The following FAR1 variants were observed in gnomAD, a reference collection of about 807,000 sequenced individuals.
FAR1 encodes the protein fatty acyl-CoA reductase 1.
A neutral mutation model predicts 61.1 loss-of-function variants in FAR1; 22 were observed. That is an observed-to-expected ratio of 0.36 (90% CI 0.26 to 0.51). The LOEUF is 0.51. Among genes scored for constraint, FAR1 ranks in the 20% least tolerant of loss-of-function variants. The probability of loss-of-function intolerance (pLI) is 0.95; values close to 1 mark genes in which losing one functional copy is unlikely to be tolerated. For missense variants in FAR1, 359 were observed against 626.9 expected (o/e 0.57, Z 4.56); for synonymous variants, 206 against 209.7 (o/e 0.98, Z 0.15).
chr11:13,676,735 G>A (rs1848072998), intron 1 of FAR1, among the ~76,000 whole-genome samples: 1 of 152,118 alleles, frequency 6.6e-6, no homozygotes, highest in Admixed American at 6.5e-5. Context: ...GCTGGTAATG[G>A]GACATTTGAC....
intron 9 of FAR1, chr11:13,715,768 A>C (rs1237314237): frequency 3.9e-5 from 6 of 152,184 alleles, no homozygotes; most frequent in Admixed American, 3.9e-4. Context: ...CTATTAAAAT[A>C]CTTAATTTTT....
intron 3 of FAR1, among the ~76,000 whole-genome samples, chr11:13,702,877 C>T (rs1462765770): frequency 6.6e-6 from 1 of 152,156 alleles, no homozygotes; most frequent in Non-Finnish European, 1.5e-5. Flanking sequence ...TTTCTGTCCC[C>T]CTAGGGTAAG....
intron 1 of FAR1, among the ~76,000 whole-genome samples, chr11:13,673,864 G>C (rs1848036628): frequency 6.6e-6 from 1 of 152,176 alleles, no homozygotes; most frequent in South Asian, 2.1e-4. Context: ...TTACCAATTT[G>C]TTGTGCACTT....
chr11:13,728,495 G>A (rs1848688911), intron 11 of FAR1, 117 bp from the exon 12 acceptor site: 7 of 936,578 alleles, frequency 7.5e-6, no homozygotes, highest in Non-Finnish European at 1.1e-5. Flanking sequence ...CCTATCATAA[G>A]TTTCAAATTA....
At chr11:13,680,730 T>C (rs887366907) in intron 1 of FAR1, among the ~76,000 whole-genome samples, 2 of 152,106 alleles carry the variant, frequency 1.3e-5, no homozygotes, top group African/African-American at 4.8e-5. Flanking sequence ...ACCAAGCCAT[T>C]AATGAGGAAT....
intron 10 of FAR1, chr11:13,723,502 TTA>T (rs1848636865): frequency 3.0e-6 from 1 of 335,026 alleles, no homozygotes; most frequent in Non-Finnish European, 5.8e-6. Context: ...CATTTTCTCT[TTA>T]TGTTTGCCGC....
chr11:13,708,431 A>ATG lies in FAR1; in HGVS notation c.545+355_545+356dup, dbSNP rs1555063836. 5.2e-4 allele frequency among the ~76,000 whole-genome samples: 64 copies of ATG among 123,582 alleles called. No homozygotes were observed. In the East Asian group the frequency reaches 0.013, roughly 25 times the overall value. 81.1% of individuals were successfully genotyped at this position (123,582 alleles called of 152,430 possible). A position where few individuals can be genotyped will look rare whatever the true frequency, so the allele number is the denominator to read the frequency against. On this transcript the variant is annotated intron_variant, in intron 4 of 11. Coordinates refer to ENST00000354817, the MANE Select transcript of FAR1 (RefSeq NM_032228.6). Reference sequence around the variant, plus strand: ...CTTCTCCTCACCCCACCCCATATACATGTGCGCGCGCGCGCGCACACACAC... The same window carrying ATG: ...CTTCTCCTCACCCCACCCCATATACATGTGTGCGCGCGCGCGCGCACACACAC...
chr11:13,700,167 A>G (rs1591263388), intron 2 of FAR1, 150 bp from the exon 3 acceptor site: 3 of 592,500 alleles, frequency 5.1e-6, no homozygotes. Flanking sequence ...TTCTATACAG[A>G]ATAATGGCAA....
intron 10 of FAR1, among the ~76,000 whole-genome samples, chr11:13,727,098 T>G (rs1413490394): frequency 1.3e-5 from 2 of 152,018 alleles, no homozygotes; most frequent in East Asian, 3.8e-4. Context: ...TAACATATCT[T>G]GATGTCAGAG....
intron 1 of FAR1, among the ~76,000 whole-genome samples, chr11:13,692,949 G>T (rs1478192570): frequency 6.6e-6 from 1 of 152,060 alleles, no homozygotes; most frequent in African/African-American, 2.4e-5. Flanking sequence ...GTGATCCGTG[G>T]TTATCTGTTT....
intron 1 of FAR1, among the ~76,000 whole-genome samples, chr11:13,673,092 A>G (rs892983861): frequency 6.6e-5 from 10 of 152,308 alleles, no homozygotes; most frequent in African/African-American, 2.2e-4. Context: ...TAAATTCACC[A>G]TTGTTTTCGG....
At chr11:13,714,135 CTTTT>C (rs1225460035) in intron 8 of FAR1, among the ~76,000 whole-genome samples, 1 of 151,630 alleles carries the variant, frequency 6.6e-6, no homozygotes, top group Admixed American at 6.6e-5. Flanking sequence ...TTTTCCTTTT[CTTTT>C]TTAAGTAAGT....
At chr11:13,675,762 AT>A (rs2134166769) in intron 1 of FAR1, among the ~76,000 whole-genome samples, 1 of 152,240 alleles carries the variant, frequency 6.6e-6, no homozygotes, top group South Asian at 2.1e-4. Context: ...CTATTTGACA[AT>A]TTTAAGATTA....
intron 3 of FAR1, among the ~76,000 whole-genome samples, chr11:13,702,321 T>G (rs1350647268): frequency 6.6e-6 from 1 of 152,178 alleles, no homozygotes; most frequent in African/African-American, 2.4e-5. Context: ...TGTATATTAT[T>G]TTTTCTACTA....
rs114050941 is a variant in FAR1 at position 13,684,166 on chromosome 11, C to A, written c.-7-10593C>A. Among the ~76,000 whole-genome samples the A allele has an allele frequency of 1.3e-3, 205 of 152,228 alleles. 1 individual carries two copies. Among genetic ancestry groups the A allele is most frequent in the African/African-American group, 4.6e-3 (193 of 41,550 alleles). The stretch of plus-strand genomic sequence containing the variant: ...AGAGGGAAAGTAATTTTTCACATTC[C>A]ATTCAGGAAATCCATCCTGTTAGAG... On this transcript the variant is annotated intron_variant, in intron 1 of 11. Coordinates refer to ENST00000354817, the MANE Select transcript of FAR1 (RefSeq NM_032228.6).
At position 13,710,840 on chromosome 11, in the gene FAR1, T is replaced by A; in HGVS notation, c.693T>A (p.Ile231=). The A allele has an allele frequency of 6.2e-7, 1 of 1,611,024 alleles. No homozygotes were observed. Among genetic ancestry groups the A allele is most frequent in the African/African-American group, 1.3e-5 (1 of 74,912 alleles). ...KLNVAIVRPS[I]VGASWKEPFP... ...ATGTGGCAATTGTAAGGCCATCGATTGTTGGTGCCAGTTGGAAAGAACCTT... is the reference window on the plus strand; with the variant it reads ...ATGTGGCAATTGTAAGGCCATCGATAGTTGGTGCCAGTTGGAAAGAACCTT... The change falls in exon 5 of 12, where the codon ATT becomes ATA. Residue 231 remains isoleucine (I), a synonymous_variant. Coordinates refer to ENST00000354817, the MANE Select transcript of FAR1 (RefSeq NM_032228.6).
Position 13,692,902 on chromosome 11 carries a change from G to C in FAR1, c.-7-1857G>C, listed in dbSNP as rs115035310. Among the ~76,000 whole-genome samples, 1,399 of 152,018 alleles carry C rather than the reference G, an allele frequency of 9.2e-3. 23 individuals are homozygous for C. The highest frequency in any genetic ancestry group is 0.031 in the African/African-American group (1,302 of 41,452). ...TGTAGTTCTATTGCTTTTCATTTTG[G>C]TCTTTCTTTATTTTGTAGGTATTTT... On this transcript the variant is annotated intron_variant, in intron 1 of 11. Transcript: ENST00000354817.
chr11:13,716,204 G>C (rs1848554123), intron 9 of FAR1, among the ~76,000 whole-genome samples: 2 of 150,784 alleles, frequency 1.3e-5, no homozygotes, highest in African/African-American at 4.9e-5. Flanking sequence ...GTAAAAACTG[G>C]GTCAAAAAAA....
chr11:13,673,197 G>A (rs1341057743), intron 1 of FAR1, among the ~76,000 whole-genome samples: 1 of 152,206 alleles, frequency 6.6e-6, no homozygotes, highest in Non-Finnish European at 1.5e-5. Flanking sequence ...CCTAGGATCA[G>A]TACAGACTTA....
Sources: gnomAD v4.1 joint callset for allele counts (sites outside exome capture counted in the v4.1 genomes callset) on GRCh38, gnomAD v4.1.1 for gene constraint, MANE v1.5 for transcripts, NCBI Gene and HGNC (gene_info 2026-07-23, HGNC 2026-07-21) for gene names.